DMC1: variants seen among roughly 807,000 people sequenced by gnomAD.
DMC1 encodes the protein DNA meiotic recombinase 1.
DMC1 carries 27 observed loss-of-function variants against 50.1 expected under a neutral mutation model. The ratio of observed to expected loss-of-function variants is 0.54; its 90% CI spans 0.40 to 0.74. The LOEUF is 0.74. Among genes scored for constraint, DMC1 ranks in the 30% least tolerant of loss-of-function variants. The pLI, the probability that DMC1 is intolerant of heterozygous loss-of-function variation, is 0.00. For missense variants in DMC1, 295 were observed against 420.2 expected (o/e 0.70, Z 2.60); for synonymous variants, 148 against 136.1 (o/e 1.09, Z -0.61).
downstream of DMC1, among the ~76,000 whole-genome samples, chr22:38,518,433 C>T (rs1215215332): frequency 2.0e-5 from 3 of 152,102 alleles, no homozygotes; most frequent in Admixed American, 6.6e-5. Context: ...TATTCTTTAG[C>T]GCTTAGCATT....
chr22:38,526,270 T>C (rs1053475040), intron 12 of DMC1, among the ~76,000 whole-genome samples: 1 of 152,064 alleles, frequency 6.6e-6, no homozygotes, highest in African/African-American at 2.4e-5. Context: ...AATGCCGTGA[T>C]CGCGGCTCAT....
intron 9 of DMC1, 98 bp from the exon 10 acceptor site, chr22:38,538,710 A>G (rs2090246512): frequency 9.3e-7 from 1 of 1,079,388 alleles, no homozygotes; most frequent in Non-Finnish European, 1.4e-6. Flanking sequence ...AAATTCCTTG[A>G]AGGATTTTCT....
intron 8 of DMC1, among the ~76,000 whole-genome samples, chr22:38,542,716 A>G (rs1345230049): frequency 6.6e-6 from 1 of 152,226 alleles, no homozygotes; most frequent in African/African-American, 2.4e-5. Flanking sequence ...TAAAATTTAT[A>G]TGGAACCACA....
intron 12 of DMC1, among the ~76,000 whole-genome samples, chr22:38,531,152 A>G (rs536840670): frequency 6.6e-6 from 1 of 152,316 alleles, no homozygotes; most frequent in Non-Finnish European, 1.5e-5. Flanking sequence ...TTCCCAAAAC[A>G]AATACACAAA....
chr22:38,543,649 G>A (rs560446978), intron 8 of DMC1, among the ~76,000 whole-genome samples: 1 of 152,070 alleles, frequency 6.6e-6, no homozygotes, highest in Non-Finnish European at 1.5e-5. Flanking sequence ...CCTTCTTCTT[G>A]CTTTCTTGCC....
At chr22:38,550,040 C>G (rs762718763) in intron 7 of DMC1, 43 bp from the exon 8 acceptor site, 1 of 1,400,890 alleles carries the variant, frequency 7.1e-7, no homozygotes, top group Admixed American at 1.8e-5. Context: ...AGTGAATAAA[C>G]TTTGTACACA....
chr22:38,547,056 C>G (rs894151500), intron 8 of DMC1, among the ~76,000 whole-genome samples: 1 of 152,132 alleles, frequency 6.6e-6, no homozygotes, highest in Non-Finnish European at 1.5e-5. Context: ...TGCTGATGTA[C>G]AATGTTTTTA....
chr22:38,556,190 T>C (rs2090467694), intron 5 of DMC1, among the ~76,000 whole-genome samples: 1 of 152,180 alleles, frequency 6.6e-6, no homozygotes, highest in Non-Finnish European at 1.5e-5. Context: ...CTATAGTCAA[T>C]TGAATTTTCA....
intron 6 of DMC1, among the ~76,000 whole-genome samples, chr22:38,554,412 A>G: frequency 6.6e-6 from 1 of 151,516 alleles, no homozygotes; most frequent in African/African-American, 2.4e-5. Context: ...AACAGAAATA[A>G]TGAAAACCAG....
At chr22:38,526,921 G>A (rs2090098232) in intron 12 of DMC1, among the ~76,000 whole-genome samples, 1 of 152,170 alleles carries the variant, frequency 6.6e-6, no homozygotes, top group African/African-American at 2.4e-5. Context: ...CTTGATTAAT[G>A]TGTGTCTGCC....
intron 13 of DMC1, 50 bp downstream of exon 13, chr22:38,521,558 C>G: frequency 1.0e-6 from 1 of 979,092 alleles, no homozygotes; most frequent in Non-Finnish European, 1.6e-6. Flanking sequence ...CACACACACA[C>G]ACACACACAC....
chr22:38,563,933 C>T (rs1043538168), intron 4 of DMC1, among the ~76,000 whole-genome samples: 10 of 152,140 alleles, frequency 6.6e-5, no homozygotes, highest in Non-Finnish European at 1.3e-4. Flanking sequence ...ATCTCCTGAC[C>T]TCATGATCCG....
rs192272425 is a variant in DMC1, at chr22:38,525,806, G to A, written c.837-4082C>T. ...AATACAACAATTATCTGGGCATGGC[G>A]GTGCATGCCTGGAGTCCTGGCTACT... On this transcript the variant is annotated intron_variant, in intron 12 of 13. Coordinates refer to ENST00000216024, the MANE Select transcript of DMC1 (RefSeq NM_007068.4). 1.7e-3 allele frequency among the ~76,000 whole-genome samples: 258 copies of A among 152,090 alleles called. 1 individual carries two copies. Among genetic ancestry groups the A allele is most frequent in the African/African-American group, 6.1e-3 (254 of 41,514 alleles).
intron 4 of DMC1, among the ~76,000 whole-genome samples, chr22:38,563,891 AG>A (rs1176333697): frequency 6.6e-6 from 1 of 152,042 alleles, no homozygotes; most frequent in African/African-American, 2.4e-5. Flanking sequence ...TAGTAGAGAC[AG>A]GGTTTCACTG....
At chr22:38,549,843 A>T (rs2090384253) in intron 8 of DMC1, 82 bp downstream of exon 8, 1 of 1,051,898 alleles carries the variant, frequency 9.5e-7, no homozygotes, top group African/African-American at 1.6e-5. Context: ...GACTACAAAG[A>T]TTGTATATCT....
chr22:38,514,945 CTTTTT>C (rs1225224373), downstream of DMC1, among the ~76,000 whole-genome samples: 2 of 121,974 alleles, frequency 1.6e-5, no homozygotes, highest in Non-Finnish European at 3.4e-5. Context: ...TTTTTTTATT[CTTTTT>C]TTTTTTTTTT....
At chr22:38,533,544 A>G (rs544852223) in intron 12 of DMC1, among the ~76,000 whole-genome samples, 4 of 152,362 alleles carry the variant, frequency 2.6e-5, no homozygotes, top group East Asian at 3.9e-4. Context: ...TTACTCCAGC[A>G]TATCAAATAT....
chr22:38,514,908 G>T (rs2089965712), downstream of DMC1, among the ~76,000 whole-genome samples: 1 of 150,792 alleles, frequency 6.6e-6, no homozygotes, highest in African/African-American at 2.4e-5. Flanking sequence ...AGCAGCCCAT[G>T]CTGCTGCTCT....
downstream of DMC1, among the ~76,000 whole-genome samples, chr22:38,516,326 CT>C (rs1400037319): frequency 6.6e-6 from 1 of 152,160 alleles, no homozygotes; most frequent in Admixed American, 6.6e-5. Context: ...AACTTTAGGC[CT>C]TTGTTTTGGG....
Sources: gnomAD v4.1 joint callset for allele counts (sites outside exome capture counted in the v4.1 genomes callset) on GRCh38, gnomAD v4.1.1 for gene constraint, MANE v1.5 for transcripts, NCBI Gene and HGNC (gene_info 2026-07-23, HGNC 2026-07-21) for gene names.